Variants in ZP2 observed in about 807,000 individuals in gnomAD.
ZP2 encodes zona pellucida sperm-binding protein 2.
In ZP2, 51 loss-of-function variants were observed where a neutral mutation model predicts 84.0. That is an observed-to-expected ratio of 0.61 (90% CI 0.49 to 0.77). The LOEUF (loss-of-function observed/expected upper bound fraction) is 0.77. Among genes scored for constraint, ZP2 ranks in the 30% least tolerant of loss-of-function variants. The pLI, the probability that ZP2 is intolerant of heterozygous loss-of-function variation, is 0.00. For synonymous variants in ZP2, 375 were observed against 330.9 expected (o/e 1.13, Z -1.45); for missense variants, 909 against 911.9 (o/e 1.00, Z 0.04).
intron 4 of ZP2, among the ~76,000 whole-genome samples, chr16:21,207,396 G>C (rs892728199): frequency 2.6e-5 from 4 of 152,130 alleles, no homozygotes; most frequent in African/African-American, 9.7e-5. Flanking sequence ...AAAAGCAGGG[G>C]TCAGCCAACC....
At chr16:21,210,717 T>C (rs561874022) in intron 2 of ZP2, among the ~76,000 whole-genome samples, 108 of 152,072 alleles carry the variant, frequency 7.1e-4, no homozygotes, top group Non-Finnish European at 1.2e-3. Flanking sequence ...TGGGATTACA[T>C]GTGCCCACCA....
Position 21,198,904 on chromosome 16 carries a change from G to GTTTGTGTTTGGCCTC in ZP2, c.1928-43_1928-42insGAGGCCAAACACAAA, listed in dbSNP as rs779185693. The GTTTGTGTTTGGCCTC allele has an allele frequency of 5.8e-6, 9 of 1,547,468 alleles. No individual in the cohort carries two copies. The South Asian group carries it at 1.0e-4, about 17-fold the overall frequency. On this transcript the variant is annotated intron_variant, in intron 16 of 18. Coordinates refer to ENST00000574091, the MANE Select transcript of ZP2 (RefSeq NM_001376232.1). ...AAGTTTGTGTTTGGCCTCTGGAATAGTGGTTCGAGAGGTGTGTCAATGGAA... is the reference window on the plus strand; with the variant it reads ...AAGTTTGTGTTTGGCCTCTGGAATAGTTTGTGTTTGGCCTCTGGTTCGAGAGGTGTGTCAATGGAA...
intron 5 of ZP2, among the ~76,000 whole-genome samples, chr16:21,206,617 C>A (rs562044816): frequency 6.6e-6 from 1 of 152,020 alleles, no homozygotes; most frequent in Non-Finnish European, 1.5e-5. Context: ...ATGTATATAC[C>A]CTCAGTAAAT....
rs759688307 is a variant in ZP2 at position 21,210,153 on chromosome 16, A to T, written c.191T>A (p.Phe64Tyr). 1.9e-6 allele frequency: 3 copies of T among 1,614,060 alleles called. No homozygotes were observed. The highest frequency in any genetic ancestry group is 2.5e-6 in the Non-Finnish European group (3 of 1,180,006). Residue 64 changes from phenylalanine to tyrosine, a missense_variant, in exon 3 of 19, where the codon TTC becomes TAC. Coordinates refer to ENST00000574091, the MANE Select transcript of ZP2 (RefSeq NM_001376232.1). ...TTTCTTGGTGCCAGGACTGCTTGGG[A>T]ACTCCACTGTTATTTCCCTTTCATC... is the stretch of plus-strand genomic sequence containing the variant. ...TCDEREITVE[F>Y]PSSPGTKKWH... is the part of the protein sequence containing the mutation.
chr16:21,204,014 T>A lies in ZP2; in HGVS notation c.972+16A>T. The stretch of plus-strand genomic sequence containing the variant: ...TCAGGACCCGGTGGAGTTCAGTGGT[T>A]GACAATTGAACATACTTTCGTTTTG... On this transcript the variant is annotated intron_variant, in intron 9 of 18. Transcript: ENST00000574091. The A allele has an allele frequency of 1.9e-6, 3 of 1,610,718 alleles. No individual in the cohort carries two copies. Among genetic ancestry groups the A allele is most frequent in the Non-Finnish European group, 2.5e-6 (3 of 1,179,936 alleles).
chr16:21,202,350 T>G, intron 10 of ZP2, 59 bp from the exon 11 acceptor site: 1 of 1,406,284 alleles, frequency 7.1e-7, no homozygotes, highest in East Asian at 2.5e-5. Context: ...TACTGTCATC[T>G]CCCAACCTGA....
At chr16:21,214,374 TC>T, upstream of ZP2, 2 of 719,636 alleles carry the variant, frequency 2.8e-6, no homozygotes. Context: ...AAATAGCTGC[TC>T]CGTAAAACAG....
chr16:21,199,953 G>C (rs928019340), intron 14 of ZP2, 75 bp from the exon 15 acceptor site: 2 of 1,580,014 alleles, frequency 1.3e-6, no homozygotes, highest in Admixed American at 1.7e-5. Context: ...CCCAGATTTA[G>C]TCATACGTAA....
rs2093268181 is a variant in ZP2, at chr16:21,210,175, C to A, written c.169G>T (p.Glu57Ter). The change falls in exon 3 of 19, where the codon GAA becomes TAA. Residue 57 changes from glutamate to a stop codon, truncating the protein, a stop_gained. Coordinates refer to ENST00000574091, the MANE Select transcript of ZP2 (RefSeq NM_001376232.1). LOFTEE classifies it high-confidence loss of function. ...PAFPGTVTCD[E>*]REITVEFPSS... is the part of the protein sequence containing the mutation. ...GGGAACTCCACTGTTATTTCCCTTT[C>A]ATCGCAAGTGACAGTGCCTAAGGAG... 6.2e-7 allele frequency: 1 copy of A among 1,614,020 alleles called. No individual in the cohort carries two copies. Among genetic ancestry groups the A allele is most frequent in the Non-Finnish European group, 8.5e-7 (1 of 1,179,984 alleles).
chr16:21,206,811 C>T (rs778200436), intron 5 of ZP2, 27 bp downstream of exon 5: 29 of 1,613,696 alleles, frequency 1.8e-5, no homozygotes, highest in Admixed American at 8.3e-5. Flanking sequence ...AGCCATATAC[C>T]CCGAGCAGTC....
At chr16:21,197,742 G>T (rs1205887100) in intron 18 of ZP2, 24 bp downstream of exon 18, 1 of 1,613,824 alleles carries the variant, frequency 6.2e-7, no homozygotes, top group African/African-American at 1.3e-5. Context: ...TATTTCAGAA[G>T]TTTGCAACAT....
chr16:21,209,873 G>T, intron 3 of ZP2, 148 bp from the exon 4 acceptor site: 1 of 764,994 alleles, frequency 1.3e-6, no homozygotes, highest in Non-Finnish European at 2.2e-6. Context: ...TGAGCTTTGA[G>T]ATGGTATGAC....
chr16:21,211,980 T>C (rs1179530725), upstream of ZP2, among the ~76,000 whole-genome samples: 1 of 150,756 alleles, frequency 6.6e-6, no homozygotes, highest in Admixed American at 6.7e-5. Context: ...CAGGCTGGAG[T>C]GCACTGGTGC....
At chr16:21,214,232 C>T (rs996404689), upstream of ZP2, 2 of 985,024 alleles carry the variant, frequency 2.0e-6, no homozygotes, top group African/African-American at 3.5e-5. Flanking sequence ...CTCACCTAAC[C>T]CAGACCTGTG....
At position 21,202,766 on chromosome 16, in the gene ZP2, A is replaced by C. The variant is rs112882601; in HGVS notation, c.1099+359T>G. Among the ~76,000 whole-genome samples, 9 of 60,302 alleles carry C rather than the reference A, an allele frequency of 1.5e-4. 3 individuals carry two copies. Among genetic ancestry groups the C allele is most frequent in the African/African-American group, 7.5e-4 (9 of 11,960 alleles). 39.6% of individuals were successfully genotyped at this position (60,302 alleles called of 152,430 possible). On this transcript the variant is annotated intron_variant, in intron 10 of 18. Transcript: ENST00000574091. Reference sequence around the variant, plus strand: ...GCACATGGTGGAGGCAATGCTAAACAAGAGATATTCACTCTATTTAAGAAT... The same window carrying C: ...GCACATGGTGGAGGCAATGCTAAACCAGAGATATTCACTCTATTTAAGAAT...
chr16:21,212,508 T>G (rs1179372790), upstream of ZP2, among the ~76,000 whole-genome samples: 1 of 152,254 alleles, frequency 6.6e-6, no homozygotes, highest in African/African-American at 2.4e-5. Flanking sequence ...AATACTGTTT[T>G]GTAATCTGCT....
upstream of ZP2, among the ~76,000 whole-genome samples, chr16:21,212,171 C>T (rs781677848): frequency 1.3e-5 from 2 of 152,126 alleles, no homozygotes; most frequent in Non-Finnish European, 2.9e-5. Context: ...AGGTGATCCA[C>T]GTGCCTCGGC....
At chr16:21,199,983 A>C (rs2093218008) in intron 14 of ZP2, 105 bp from the exon 15 acceptor site, 1 of 1,421,796 alleles carries the variant, frequency 7.0e-7, no homozygotes, top group Non-Finnish European at 9.7e-7. Context: ...AACTATTGCC[A>C]TATTTACCTT....
rs78462668 is a variant in ZP2, at chr16:21,199,942, G to A, written c.1695-64C>T. 9.6e-3 allele frequency: 15,327 copies of A among 1,598,010 alleles called. 183 individuals are homozygous for A. The highest frequency in any genetic ancestry group is 0.046 in the Admixed American group (2,743 of 59,686). On this transcript the variant is annotated intron_variant, in intron 14 of 18. Transcript: ENST00000574091. ...CATCTTGGAGTCAAATTCAATGTCT[G>A]CCCAGATTTAGTCATACGTAATATC...
Sources: allele counts gnomAD v4.1 joint callset (sites outside exome capture counted in the v4.1 genomes callset), GRCh38; gene constraint gnomAD v4.1.1; transcripts MANE v1.5; gene names NCBI Gene and HGNC (gene_info 2026-07-23, HGNC 2026-07-21).